Variants in PRKCE observed in about 807,000 individuals in gnomAD.
The protein encoded by PRKCE is protein kinase C epsilon type.
In PRKCE, 16 loss-of-function variants were observed where a neutral mutation model predicts 85.4. The observed-to-expected ratio is 0.19, with a 90% CI of 0.13 to 0.28. The LOEUF (loss-of-function observed/expected upper bound fraction) is 0.28, where lower values mean the gene tolerates loss of function less well. Ranked by LOEUF, PRKCE falls within the 10% of genes least tolerant of loss-of-function variation. The probability of loss-of-function intolerance (pLI) is 1.00; values close to 1 mark genes in which losing one functional copy is unlikely to be tolerated. For missense variants in PRKCE, 573 were observed against 975.2 expected (o/e 0.59, Z 5.49); for synonymous variants, 388 against 371.5 (o/e 1.04, Z -0.51).
intron 10 of PRKCE, among the ~76,000 whole-genome samples, chr2:46,085,736 G>C (rs1005793847): frequency 3.8e-5 from 4 of 104,562 alleles, no homozygotes; most frequent in Non-Finnish European, 5.5e-5. Flanking sequence ...TGCAAAATCC[G>C]TTTTTTTTTT....
At position 46,186,946 on chromosome 2, in the gene PRKCE, C is replaced by A. The variant is rs770591717; in HGVS notation, c.*2065C>A. 1 of 152,212 alleles carries A rather than the reference C, an allele frequency of 6.6e-6. No individual in the cohort carries two copies. The highest frequency in any genetic ancestry group is 1.5e-5 in the Non-Finnish European group (1 of 67,966). 9.4% of individuals were successfully genotyped at this position (152,212 alleles called of 1,614,324 possible). A position where few individuals can be genotyped will look rare whatever the true frequency, so the allele number is the denominator to read the frequency against. ...ATATCAATTCATGTGTTTGGCATAC[C>A]AGTGAATGATGAAGAACATGAGATT... On this transcript the variant is annotated 3_prime_UTR_variant, in exon 15 of 15. Coordinates refer to ENST00000306156, the MANE Select transcript of PRKCE (RefSeq NM_005400.3).
At chr2:45,960,262 T>C (rs1401199292) in intron 2 of PRKCE, among the ~76,000 whole-genome samples, 1 of 152,240 alleles carries the variant, frequency 6.6e-6, no homozygotes, top group Non-Finnish European at 1.5e-5. Context: ...TACACCTAGA[T>C]GAGTCACTTG....
At chr2:45,725,334 G>T (rs980058609) in intron 1 of PRKCE, among the ~76,000 whole-genome samples, 2 of 152,204 alleles carry the variant, frequency 1.3e-5, no homozygotes, top group Non-Finnish European at 2.9e-5. Flanking sequence ...TCAACCAGGA[G>T]TTCTGATGGA....
chr2:45,931,724 T>TGA (rs58993200), intron 2 of PRKCE, among the ~76,000 whole-genome samples: 6 of 152,268 alleles, frequency 3.9e-5, no homozygotes, highest in Non-Finnish European at 7.4e-5. Context: ...TTTTTTTTTT[T>TGA]GAGAGAGAGT....
At chr2:45,843,434 A>G (rs1691524787) in intron 2 of PRKCE, among the ~76,000 whole-genome samples, 3 of 152,334 alleles carry the variant, frequency 2.0e-5, no homozygotes, top group African/African-American at 4.8e-5. Context: ...CCAGAAATGA[A>G]ACGAATAAGG....
chr2:45,746,046 T>C (rs1683108588), intron 1 of PRKCE, among the ~76,000 whole-genome samples: 1 of 152,232 alleles, frequency 6.6e-6, no homozygotes, highest in Non-Finnish European at 1.5e-5. Flanking sequence ...ACAGTGGAAC[T>C]GAAGGAAGTT....
At chr2:46,176,574 CA>C (rs1328896175) in intron 14 of PRKCE, among the ~76,000 whole-genome samples, 10 of 152,100 alleles carry the variant, frequency 6.6e-5, no homozygotes, top group Non-Finnish European at 1.2e-4. Context: ...ATTTAGGGGG[CA>C]GTAGTAATCA....
intron 1 of PRKCE, among the ~76,000 whole-genome samples, chr2:45,733,359 T>C (rs547564156): frequency 6.6e-6 from 1 of 152,276 alleles, no homozygotes; most frequent in East Asian, 1.9e-4. Context: ...TTCGAGGAGC[T>C]TGGGATATGT....
At chr2:45,972,458 C>G (rs911951449) in intron 2 of PRKCE, among the ~76,000 whole-genome samples, 3 of 152,112 alleles carry the variant, frequency 2.0e-5, no homozygotes, top group Non-Finnish European at 2.9e-5. Context: ...TGTGCAGAAG[C>G]TTTTTAGTTT....
rs1558885641 is a variant in PRKCE, at chr2:45,958,806, ATATATATATATTTTTTTTTTT to A, written c.413-17621_413-17601del. ...GCCTTTAAAACATATATATATATATATATATATATATTTTTTTTTTTTTTTTTTTTTTTTTTTTTTTTTTTT... is the reference window on the plus strand; with the variant it reads ...GCCTTTAAAACATATATATATATATATTTTTTTTTTTTTTTTTTTTTTTTT... On this transcript the variant is annotated intron_variant, in intron 2 of 14. Coordinates refer to ENST00000306156, the MANE Select transcript of PRKCE (RefSeq NM_005400.3). Among the ~76,000 whole-genome samples the A allele has an allele frequency of 6.7e-4, 15 of 22,518 alleles. 1 individual carries two copies. Among genetic ancestry groups the A allele is most frequent in the Admixed American group, 1.4e-3 (2 of 1,380 alleles). The allele number at this position is 22,518 out of a possible 152,430, so 14.8% of individuals were successfully genotyped here. A position where few individuals can be genotyped will look rare whatever the true frequency, so the allele number is the denominator to read the frequency against.
chr2:46,126,144 T>C (rs1015051909), intron 11 of PRKCE, among the ~76,000 whole-genome samples: 22 of 152,310 alleles, frequency 1.4e-4, no homozygotes, highest in African/African-American at 5.3e-4. Flanking sequence ...TGGTAAATAC[T>C]CCAAAGTGCC....
chr2:45,945,853 T>C (rs1306331486), intron 2 of PRKCE, among the ~76,000 whole-genome samples: 1 of 152,240 alleles, frequency 6.6e-6, no homozygotes, highest in Admixed American at 6.5e-5. Flanking sequence ...GAATGTCCTG[T>C]ACTGATGGGG....
In PRKCE at chr2:45,836,663, C is replaced by T. The variant is rs58417098; in HGVS notation, c.349-6337C>T. Among the ~76,000 whole-genome samples, 19 of 152,236 alleles carry T rather than the reference C, an allele frequency of 1.2e-4. 1 individual carries two copies. Among genetic ancestry groups the T allele is most frequent in the African/African-American group, 4.6e-4 (19 of 41,530 alleles). On this transcript the variant is annotated intron_variant, in intron 1 of 14. Coordinates refer to ENST00000306156, the MANE Select transcript of PRKCE (RefSeq NM_005400.3). Reference sequence around the variant, plus strand: ...AGGGGTACAGGACTTGGGCAGTGGGCCCCCTGCTTTGGGAACCAGTCCCCC... The same window carrying T: ...AGGGGTACAGGACTTGGGCAGTGGGTCCCCTGCTTTGGGAACCAGTCCCCC...
intron 1 of PRKCE, among the ~76,000 whole-genome samples, chr2:45,687,310 AACAG>A (rs1451970131): frequency 3.3e-5 from 5 of 152,252 alleles, no homozygotes; most frequent in East Asian, 1.9e-4. Context: ...TAAAGGTATA[AACAG>A]ACAATTGACA....
At chr2:46,003,568 C>T (rs1482350628) in intron 7 of PRKCE, among the ~76,000 whole-genome samples, 1 of 152,188 alleles carries the variant, frequency 6.6e-6, no homozygotes, top group Non-Finnish European at 1.5e-5. Context: ...CTATAGTCTA[C>T]TTAAGTGGAG....
At position 46,185,987 on chromosome 2, in the gene PRKCE, TG is replaced by T. The variant is rs1236713618; in HGVS notation, c.*1108del. On this transcript the variant is annotated 3_prime_UTR_variant, in exon 15 of 15. Coordinates refer to ENST00000306156, the MANE Select transcript of PRKCE (RefSeq NM_005400.3). The surrounding 1 kb of genome is among the most constrained non-coding windows in gnomAD (Gnocchi z 4.7). ...AAGTTATATACGAAATATCTGCTTTTGGAATAAGCAGAATGAGGCTAAACAT... is the reference window on the plus strand; with the variant it reads ...AAGTTATATACGAAATATCTGCTTTTGAATAAGCAGAATGAGGCTAAACAT... 1 of 152,564 alleles carries T rather than the reference TG, an allele frequency of 6.6e-6. No individual in the cohort carries two copies. Among genetic ancestry groups the T allele is most frequent in the African/African-American group, 2.4e-5 (1 of 41,442 alleles). 9.5% of individuals were successfully genotyped at this position (152,564 alleles called of 1,614,324 possible).
chr2:45,745,928 T>A (rs1180246716), intron 1 of PRKCE, among the ~76,000 whole-genome samples: 1 of 152,242 alleles, frequency 6.6e-6, no homozygotes. Context: ...TCATTATAGA[T>A]GTCGTCACAA....
chr2:45,921,930 T>A (rs747330449), intron 2 of PRKCE, among the ~76,000 whole-genome samples: 2 of 152,172 alleles, frequency 1.3e-5, no homozygotes, highest in African/African-American at 2.4e-5. Flanking sequence ...GTAGTGGAGA[T>A]AGGATTATAT....
chr2:45,680,580 T>A (rs1425929202), intron 1 of PRKCE, among the ~76,000 whole-genome samples: 1 of 152,188 alleles, frequency 6.6e-6, no homozygotes, highest in Non-Finnish European at 1.5e-5. Context: ...AAAACAGGCT[T>A]GATAAAGGCC....
Sources: gnomAD v4.1 joint callset for allele counts (sites outside exome capture counted in the v4.1 genomes callset) on GRCh38, gnomAD v4.1.1 for gene constraint, Gnocchi (gnomAD v3.1) non-coding constraint, MANE v1.5 for transcripts, NCBI Gene and HGNC (gene_info 2026-07-23, HGNC 2026-07-21) for gene names.